ARHGEF11: variants seen among roughly 807,000 people sequenced by gnomAD.
ARHGEF11 encodes the protein Rho guanine exchange factor (GEF) 11.
ARHGEF11 carries 55 observed loss-of-function variants against 193.7 expected under a neutral mutation model. The observed-to-expected ratio is 0.28, with a 90% CI of 0.23 to 0.36. The LOEUF is 0.36. Among genes scored for constraint, ARHGEF11 ranks in the 10% least tolerant of loss-of-function variants. The pLI is 1.00. For missense variants in ARHGEF11, 1,723 were observed against 2,005.6 expected, an observed-to-expected ratio of 0.86 and a Z score of 2.69; for synonymous variants, 693 against 768.0, an observed-to-expected ratio of 0.90 and a Z score of 1.62.
At chr1:156,937,573 C>T in intron 38 of ARHGEF11, 77 bp from the exon 39 acceptor site, 5 of 1,450,066 alleles carry the variant, frequency 3.4e-6, no homozygotes, top group Non-Finnish European at 4.6e-6. Context: ...TGTGGGATTC[C>T]CCAGCCACCT....
chr1:157,017,163 T>C (rs1479518691), intron 1 of ARHGEF11, among the ~76,000 whole-genome samples: 1 of 152,206 alleles, frequency 6.6e-6, no homozygotes, highest in Non-Finnish European at 1.5e-5. Context: ...TTAAATACTT[T>C]CTTATCAATG....
intron 1 of ARHGEF11, among the ~76,000 whole-genome samples, chr1:156,990,254 C>T (rs754031355): frequency 3.9e-5 from 6 of 152,168 alleles, no homozygotes; most frequent in Non-Finnish European, 8.8e-5. Flanking sequence ...TCATCTGATG[C>T]CTCCTCACAG....
chr1:157,022,164 C>A (rs570630159), intron 1 of ARHGEF11, among the ~76,000 whole-genome samples: 93 of 152,288 alleles, frequency 6.1e-4, no homozygotes, highest in African/African-American at 2.2e-3. Flanking sequence ...TTCTGTGCAA[C>A]AATGTGCTGA....
At chr1:157,041,141 A>C (rs1672695839) in intron 1 of ARHGEF11, among the ~76,000 whole-genome samples, 1 of 152,220 alleles carries the variant, frequency 6.6e-6, no homozygotes, top group African/African-American at 2.4e-5. Flanking sequence ...TCCATCTCAA[A>C]AACATTTGCC....
intron 1 of ARHGEF11, among the ~76,000 whole-genome samples, chr1:157,039,063 C>A (rs116565325): frequency 8.5e-4 from 130 of 152,272 alleles, no homozygotes; most frequent in African/African-American, 2.9e-3. Context: ...TATTCCAATT[C>A]TATTAGGGGC....
chr1:157,044,255 T>C, intron 1 of ARHGEF11, 44 bp downstream of exon 1: 5 of 1,590,244 alleles, frequency 3.1e-6, no homozygotes, highest in Non-Finnish European at 4.3e-6. Context: ...CTCCCAGTCT[T>C]TCCTTTAGTC....
At chr1:156,958,320 T>C (rs1193860001) in intron 17 of ARHGEF11, among the ~76,000 whole-genome samples, 3 of 152,154 alleles carry the variant, frequency 2.0e-5, no homozygotes, top group East Asian at 3.8e-4. Context: ...CTGATGTGGA[T>C]TAGTAAAAGA....
intron 13 of ARHGEF11, among the ~76,000 whole-genome samples, chr1:156,962,683 C>T (rs1226013995): frequency 6.6e-6 from 1 of 151,732 alleles, no homozygotes; most frequent in Non-Finnish European, 1.5e-5. Flanking sequence ...TCGAGACCAT[C>T]CTGGCTAATA....
chr1:156,953,674 GTC>G (rs67010849), intron 21 of ARHGEF11, among the ~76,000 whole-genome samples: 60 of 151,122 alleles, frequency 4.0e-4, no homozygotes, highest in African/African-American at 1.3e-3. Flanking sequence ...TCCCATTGCT[GTC>G]TCTCTCTCTC....
Position 156,956,486 on chromosome 1 carries a change from T to C in ARHGEF11, c.1605A>G (p.Thr535=). The part of the protein sequence containing the change: ...IRLREARPSN[T]AEKAQSAPDK... Reference sequence around the variant, plus strand: ...CAGGAGCAGACTGGGCCTTTTCAGCTGTGTTGGAAGGTCGTGCCTCTCGAA... The same window carrying C: ...CAGGAGCAGACTGGGCCTTTTCAGCCGTGTTGGAAGGTCGTGCCTCTCGAA... Residue 535 remains threonine, a synonymous_variant, in exon 19 of 41, where the codon ACA becomes ACG. Transcript: ENST00000368194. 6.2e-7 allele frequency: 1 copy of C among 1,614,106 alleles called. No homozygotes were observed. Among genetic ancestry groups the C allele is most frequent in the Non-Finnish European group, 8.5e-7 (1 of 1,180,018 alleles).
chr1:156,990,589 A>T (rs1420932560), intron 1 of ARHGEF11, among the ~76,000 whole-genome samples: 2 of 152,238 alleles, frequency 1.3e-5, no homozygotes, highest in African/African-American at 4.8e-5. Context: ...TATATTAGCC[A>T]GTAAGCTTTT....
intron 4 of ARHGEF11, 133 bp downstream of exon 4, chr1:156,980,304 G>A: frequency 9.8e-7 from 1 of 1,024,102 alleles, no homozygotes; most frequent in South Asian, 1.4e-5. Flanking sequence ...CCCTCGTATG[G>A]TACCACTCCT....
chr1:157,042,057 C>CA (rs1358077516), intron 1 of ARHGEF11, among the ~76,000 whole-genome samples: 2 of 152,022 alleles, frequency 1.3e-5, no homozygotes, highest in African/African-American at 2.4e-5. Context: ...CCCAAAGTTA[C>CA]AATTGAATAA....
chr1:156,991,710 A>ATTTTTTTTTT lies in ARHGEF11; in HGVS notation c.33-5547_33-5538dup, dbSNP rs57140356. ...TTAGGGTTTTCTTTTTTTCAAGCTTATTTTTTTTTTTTTTTTTTTTTTTTG... is the reference window on the plus strand; with the variant it reads ...TTAGGGTTTTCTTTTTTTCAAGCTTATTTTTTTTTTTTTTTTTTTTTTTTTTTTTTTTTTG... On this transcript the variant is annotated intron_variant, in intron 1 of 40. Coordinates refer to ENST00000368194, the MANE Select transcript of ARHGEF11 (RefSeq NM_198236.3). 5.6e-4 allele frequency among the ~76,000 whole-genome samples: 47 copies of ATTTTTTTTTT among 83,958 alleles called. 2 individuals are homozygous for ATTTTTTTTTT. The highest frequency in any genetic ancestry group is 7.4e-4 in the African/African-American group (17 of 22,934). 55.1% of individuals were successfully genotyped at this position (83,958 alleles called of 152,430 possible). A position where few individuals can be genotyped will look rare whatever the true frequency, so the allele number is the denominator to read the frequency against.
chr1:157,029,557 C>T (rs2102990686), intron 1 of ARHGEF11, among the ~76,000 whole-genome samples: 1 of 152,250 alleles, frequency 6.6e-6, no homozygotes. Flanking sequence ...CAGGCGTGAG[C>T]CACTGTGCCC....
At chr1:157,035,903 A>T (rs4061790) in intron 1 of ARHGEF11, among the ~76,000 whole-genome samples, 838 of 48,664 alleles carry the variant, frequency 0.017, 96 homozygotes, top group Middle Eastern at 0.041. Context: ...GAATATATAT[A>T]TATGAATCTA....
intron 13 of ARHGEF11, 88 bp downstream of exon 13, chr1:156,963,115 T>C (rs776437691): frequency 3.4e-5 from 35 of 1,037,458 alleles, no homozygotes; most frequent in Non-Finnish European, 5.0e-5. Flanking sequence ...ATCTGACTTG[T>C]AACAGCCAGG....
At chr1:156,999,644 C>A (rs138549784) in intron 1 of ARHGEF11, among the ~76,000 whole-genome samples, 1 of 152,238 alleles carries the variant, frequency 6.6e-6, no homozygotes, top group Non-Finnish European at 1.5e-5. Context: ...TTGGTGATAT[C>A]CACAAGATGA....
At chr1:157,015,375 T>A (rs1324804555) in intron 1 of ARHGEF11, among the ~76,000 whole-genome samples, 1 of 152,158 alleles carries the variant, frequency 6.6e-6, no homozygotes, top group Non-Finnish European at 1.5e-5. Context: ...TTATGAGGAT[T>A]AAAGGAATTA....
Sources: allele counts gnomAD v4.1 joint callset (sites outside exome capture counted in the v4.1 genomes callset), GRCh38; gene constraint gnomAD v4.1.1; transcripts MANE v1.5; gene names NCBI Gene and HGNC (gene_info 2026-07-23, HGNC 2026-07-21).